ANKS1B: variants seen among roughly 807,000 people sequenced by gnomAD.
ANKS1B encodes the protein ankyrin repeat and sterile alpha motif domain containing 1B, also known as ankyrin repeat and sterile alpha motif domain-containing protein 1B.
A neutral mutation model predicts 148.3 loss-of-function variants in ANKS1B; 36 were observed. The observed-to-expected ratio is 0.24, with a 90% CI of 0.19 to 0.32. ANKS1B has a LOEUF of 0.32. ANKS1B is among the 10% of genes least tolerant of loss of function. The pLI, the probability that ANKS1B is intolerant of heterozygous loss-of-function variation, is 1.00. For synonymous variants in ANKS1B, 542 were observed against 560.8 expected (o/e 0.97, Z 0.47); for missense variants, 1,157 against 1,542.6 (o/e 0.75, Z 4.19).
At chr12:99,829,636 G>A (rs1416551129) in intron 1 of ANKS1B, among the ~76,000 whole-genome samples, 5 of 152,084 alleles carry the variant, frequency 3.3e-5, no homozygotes, top group Non-Finnish European at 7.4e-5. Context: ...GGGCGAGAGC[G>A]AGACTCCGTC....
At chr12:99,678,896 A>G (rs1045474659) in intron 8 of ANKS1B, among the ~76,000 whole-genome samples, 1 of 152,178 alleles carries the variant, frequency 6.6e-6, no homozygotes, top group Non-Finnish European at 1.5e-5. Context: ...CAAGAGTAGT[A>G]GAGGTAAAAA....
At chr12:99,233,318 A>C (rs1018207873) in intron 14 of ANKS1B, among the ~76,000 whole-genome samples, 14 of 152,238 alleles carry the variant, frequency 9.2e-5, no homozygotes, top group Admixed American at 6.5e-4. Context: ...GGTTATTAAA[A>C]ATCTGAGTTT....
intron 16 of ANKS1B, among the ~76,000 whole-genome samples, chr12:99,060,080 G>A (rs1003239801): frequency 1.3e-5 from 2 of 152,094 alleles, no homozygotes; most frequent in South Asian, 2.1e-4. Flanking sequence ...ACAGAGGCTC[G>A]CAACAAGGCA....
intron 9 of ANKS1B, among the ~76,000 whole-genome samples, chr12:99,552,973 T>C (rs1333401336): frequency 6.6e-6 from 1 of 152,188 alleles, no homozygotes; most frequent in Non-Finnish European, 1.5e-5. Context: ...TTTCCACCCA[T>C]GGTTGATGAA....
intron 12 of ANKS1B, among the ~76,000 whole-genome samples, chr12:99,391,019 G>A (rs186603642): frequency 6.6e-6 from 1 of 152,316 alleles, no homozygotes; most frequent in Admixed American, 6.5e-5. Flanking sequence ...CAGGCCACAG[G>A]TATACTGGAA....
At chr12:99,292,590 A>T (rs2080175074) in intron 12 of ANKS1B, among the ~76,000 whole-genome samples, 1 of 151,992 alleles carries the variant, frequency 6.6e-6, no homozygotes, top group African/African-American at 2.4e-5. Context: ...AAATTTTCAC[A>T]ATCTACCCAT....
At chr12:98,901,236 T>C (rs1177360638) in intron 17 of ANKS1B, among the ~76,000 whole-genome samples, 1 of 152,198 alleles carries the variant, frequency 6.6e-6, no homozygotes, top group Non-Finnish European at 1.5e-5. Context: ...GCAGAAAATA[T>C]ATAAACCTGG....
chr12:99,849,559 T>C (rs944411770), intron 1 of ANKS1B, among the ~76,000 whole-genome samples: 2 of 152,152 alleles, frequency 1.3e-5, no homozygotes, highest in South Asian at 2.1e-4. Context: ...CTAAAAAACA[T>C]GTACAAGCAT....
intron 20 of ANKS1B, among the ~76,000 whole-genome samples, chr12:98,807,473 G>A (rs1259143742): frequency 6.6e-6 from 1 of 152,034 alleles, no homozygotes; most frequent in East Asian, 1.9e-4. Context: ...AATATGGGGA[G>A]GTACAAAATG....
chr12:99,131,562 T>C (rs1334978053), intron 15 of ANKS1B, among the ~76,000 whole-genome samples: 1 of 152,232 alleles, frequency 6.6e-6, no homozygotes, highest in Non-Finnish European at 1.5e-5. Context: ...CAACCGTTCC[T>C]GTAAAGTTAT....
At chr12:99,459,110 C>T (rs569150230) in intron 10 of ANKS1B, among the ~76,000 whole-genome samples, 100 of 152,092 alleles carry the variant, frequency 6.6e-4, no homozygotes, top group African/African-American at 2.4e-3. Flanking sequence ...GTTTAACATT[C>T]ACAAATCAAT....
At chr12:99,885,401 T>C (rs35870754) in intron 1 of ANKS1B, among the ~76,000 whole-genome samples, 34,627 of 149,986 alleles carry the variant, frequency 0.23, 4,074 homozygotes, top group African/African-American at 0.26. Context: ...CCCGGGTTCC[T>C]GCCATTCTCC....
At chr12:99,380,533 G>T (rs2093597775) in intron 12 of ANKS1B, among the ~76,000 whole-genome samples, 2 of 152,168 alleles carry the variant, frequency 1.3e-5, no homozygotes, top group East Asian at 3.8e-4. Flanking sequence ...AAAAGAGTCA[G>T]TTGTTAAATA....
chr12:99,886,795 G>A (rs1435027803), intron 1 of ANKS1B, among the ~76,000 whole-genome samples: 1 of 152,076 alleles, frequency 6.6e-6, no homozygotes, highest in Non-Finnish European at 1.5e-5. Context: ...ACTAACTGTT[G>A]GGCATACATC....
At chr12:99,745,575 G>A (rs1423821560) in intron 8 of ANKS1B, among the ~76,000 whole-genome samples, 1 of 151,956 alleles carries the variant, frequency 6.6e-6, no homozygotes, top group Admixed American at 6.6e-5. Flanking sequence ...CTTATCACTT[G>A]GGAAAAAGCA....
intron 10 of ANKS1B, among the ~76,000 whole-genome samples, chr12:99,474,652 T>C (rs907818379): frequency 3.9e-5 from 6 of 152,030 alleles, no homozygotes; most frequent in Admixed American, 3.9e-4. Context: ...AGGTCATATT[T>C]TAGAATTAAA....
At chr12:99,953,684 G>A (rs1051225278) in intron 1 of ANKS1B, among the ~76,000 whole-genome samples, 2 of 152,092 alleles carry the variant, frequency 1.3e-5, no homozygotes, top group African/African-American at 4.8e-5. Flanking sequence ...GATAATAAAG[G>A]ACTGGAGGAG....
chr12:99,715,731 C>A (rs1241227361), intron 8 of ANKS1B, among the ~76,000 whole-genome samples: 1 of 152,172 alleles, frequency 6.6e-6, no homozygotes, highest in Admixed American at 6.5e-5. Flanking sequence ...GAACATCTCA[C>A]CAATTTTAAA....
At chr12:98,886,039 G>C (rs2099739298) in intron 17 of ANKS1B, among the ~76,000 whole-genome samples, 2 of 151,864 alleles carry the variant, frequency 1.3e-5, no homozygotes, top group African/African-American at 4.8e-5. Flanking sequence ...AAGAGGGAGG[G>C]AGGGAGAGAG....
Sources: gnomAD v4.1 joint callset for allele counts (sites outside exome capture counted in the v4.1 genomes callset) on GRCh38, gnomAD v4.1.1 for gene constraint, MANE v1.5 for transcripts, NCBI Gene and HGNC (gene_info 2026-07-23, HGNC 2026-07-21) for gene names.